Variants in BMPR1B observed in about 807,000 individuals in gnomAD.
The protein encoded by BMPR1B is bone morphogenetic protein receptor type-1B.
In BMPR1B, 12 loss-of-function variants were observed where a neutral mutation model predicts 59.1. The observed-to-expected ratio is 0.20, with a 90% confidence interval of 0.13 to 0.33. BMPR1B has a LOEUF of 0.33. Ranked by LOEUF, BMPR1B falls within the 10% of genes least tolerant of loss-of-function variation. The pLI is 1.00. For synonymous variants in BMPR1B, 237 were observed against 207.3 expected (o/e 1.14, Z -1.23); for missense variants, 550 against 610.9 (o/e 0.90, Z 1.05).
intron 1 of BMPR1B, among the ~76,000 whole-genome samples, chr4:94,803,501 T>C (rs543583898): frequency 3.9e-5 from 6 of 152,350 alleles, no homozygotes; most frequent in East Asian, 3.9e-4. Flanking sequence ...TGTCTACTTA[T>C]GTTTCTTTCC....
chr4:94,762,922 T>C (rs1035532152), intron 1 of BMPR1B, among the ~76,000 whole-genome samples: 68 of 151,852 alleles, frequency 4.5e-4, no homozygotes, highest in African/African-American at 1.4e-3. Context: ...AGCAATTCAC[T>C]GGTTCAATAG....
chr4:94,842,456 A>T (rs1367435196), intron 1 of BMPR1B, among the ~76,000 whole-genome samples: 1 of 152,182 alleles, frequency 6.6e-6, no homozygotes, highest in Non-Finnish European at 1.5e-5. Flanking sequence ...TTTCCACTTT[A>T]AAGGTAAGTT....
chr4:94,759,118 C>T (rs1055031061), intron 1 of BMPR1B, among the ~76,000 whole-genome samples: 1 of 152,152 alleles, frequency 6.6e-6, no homozygotes, highest in East Asian at 1.9e-4. Context: ...AGAGCTGCAC[C>T]CCTCCAGCTG....
chr4:94,905,598 A>C (rs1728006117), intron 2 of BMPR1B, among the ~76,000 whole-genome samples: 1 of 151,756 alleles, frequency 6.6e-6, no homozygotes, highest in Admixed American at 6.6e-5. Flanking sequence ...CCTTTTAATA[A>C]ATTTCATTAT....
intron 1 of BMPR1B, among the ~76,000 whole-genome samples, chr4:94,776,860 T>TA (rs947762727): frequency 6.6e-6 from 1 of 152,186 alleles, no homozygotes; most frequent in African/African-American, 2.4e-5. Context: ...CTGCACCACT[T>TA]AGAGCCTGTT....
At position 95,081,361 on chromosome 4, in the gene BMPR1B, A is replaced by G. The variant is rs547721568; in HGVS notation, c.-17-23047A>G. ...TTTTACTAGAAAGAATGACTGACAG[A>G]AAAACTGGTTATTCAGACTTGGGTA... On this transcript the variant is annotated intron_variant, in intron 3 of 12. Transcript: ENST00000515059. 2.0e-5 allele frequency among the ~76,000 whole-genome samples: 3 copies of G among 152,326 alleles called. No individual in the cohort carries two copies. The South Asian group carries it at 6.2e-4, about 32-fold the overall frequency.
At chr4:94,811,004 G>T (rs1426800703) in intron 1 of BMPR1B, among the ~76,000 whole-genome samples, 1 of 152,130 alleles carries the variant, frequency 6.6e-6, no homozygotes, top group Non-Finnish European at 1.5e-5. Flanking sequence ...CTGTGAAATG[G>T]AACTGAGAAA....
At chr4:95,113,808 CTGTT>C (rs1731803959) in intron 4 of BMPR1B, among the ~76,000 whole-genome samples, 1 of 152,082 alleles carries the variant, frequency 6.6e-6, no homozygotes, top group Admixed American at 6.6e-5. Context: ...AGTTCCATAA[CTGTT>C]TGTTCTTTGA....
intron 3 of BMPR1B, among the ~76,000 whole-genome samples, chr4:94,998,746 C>T (rs1288217624): frequency 6.6e-6 from 1 of 152,082 alleles, no homozygotes; most frequent in Non-Finnish European, 1.5e-5. Flanking sequence ...ACCCTCCCAT[C>T]CCTGTCTTTC....
intron 1 of BMPR1B, among the ~76,000 whole-genome samples, chr4:94,874,751 G>C (rs769868272): frequency 5.9e-5 from 9 of 152,152 alleles, no homozygotes; most frequent in Non-Finnish European, 1.3e-4. Flanking sequence ...CAGGACTTTG[G>C]GAGGCCGAGG....
chr4:95,137,151 G>C (rs1350613919), intron 10 of BMPR1B, among the ~76,000 whole-genome samples: 1 of 152,152 alleles, frequency 6.6e-6, no homozygotes, highest in Non-Finnish European at 1.5e-5. Context: ...CTTTATTTCT[G>C]CCTTCATTTC....
At chr4:94,994,600 C>T (rs13128586) in intron 2 of BMPR1B, among the ~76,000 whole-genome samples, 109,186 of 152,052 alleles carry the variant, frequency 0.72, 40,481 homozygotes, top group East Asian at 0.86. Flanking sequence ...ATACCTGTGT[C>T]GACAATAAGT....
At chr4:94,823,956 C>G (rs1481990916) in intron 1 of BMPR1B, among the ~76,000 whole-genome samples, 2 of 152,200 alleles carry the variant, frequency 1.3e-5, no homozygotes, top group East Asian at 3.9e-4. Flanking sequence ...CCGTGTTAGC[C>G]AGGATGGTCT....
At chr4:95,057,988 T>TA (rs1227138771) in intron 3 of BMPR1B, among the ~76,000 whole-genome samples, 1 of 152,150 alleles carries the variant, frequency 6.6e-6, no homozygotes, top group African/African-American at 2.4e-5. Context: ...TTTTACTCTG[T>TA]AAAAAAAGAT....
intron 2 of BMPR1B, among the ~76,000 whole-genome samples, chr4:94,941,409 GT>G (rs1398325679): frequency 6.7e-6 from 1 of 149,686 alleles, no homozygotes; most frequent in Non-Finnish European, 1.5e-5. Flanking sequence ...TCCAGCCTGG[GT>G]GACAAGAGTG....
At chr4:95,042,069 G>A (rs1725696208) in intron 3 of BMPR1B, among the ~76,000 whole-genome samples, 1 of 152,048 alleles carries the variant, frequency 6.6e-6, no homozygotes, top group African/African-American at 2.4e-5. Context: ...TGTTAGCCAG[G>A]ATGGTCTCGA....
At position 94,763,400 on chromosome 4, in the gene BMPR1B, G is replaced by A. The variant is rs117847854; in HGVS notation, c.-183+5332G>A. Among the ~76,000 whole-genome samples, 42 of 152,306 alleles carry A rather than the reference G, an allele frequency of 2.8e-4. No individual in the cohort carries two copies. In the East Asian group the frequency reaches 8.1e-3, roughly 29 times the overall value. On this transcript the variant is annotated intron_variant, in intron 1 of 12. Coordinates refer to ENST00000515059, the MANE Select transcript of BMPR1B (RefSeq NM_001203.3). ...GGCATTCAGTAAATAGTTGTGCAGTGCTGTTGGATGCACTCCTTTAGAGGC... is the reference window on the plus strand; with the variant it reads ...GGCATTCAGTAAATAGTTGTGCAGTACTGTTGGATGCACTCCTTTAGAGGC...
intron 2 of BMPR1B, among the ~76,000 whole-genome samples, chr4:94,967,677 T>C (rs1730605481): frequency 6.6e-6 from 1 of 151,786 alleles, no homozygotes. Flanking sequence ...AGAGATGGGG[T>C]TTCACCGTGT....
intron 2 of BMPR1B, among the ~76,000 whole-genome samples, chr4:94,942,904 T>G (rs1729570521): frequency 6.6e-6 from 1 of 152,206 alleles, no homozygotes; most frequent in Non-Finnish European, 1.5e-5. Flanking sequence ...ATCTAACACT[T>G]TCTCCGCATA....
Sources: gnomAD v4.1 joint callset for allele counts (sites outside exome capture counted in the v4.1 genomes callset) on GRCh38, gnomAD v4.1.1 for gene constraint, MANE v1.5 for transcripts, NCBI Gene and HGNC (gene_info 2026-07-23, HGNC 2026-07-21) for gene names.